Variants in OPCML observed in about 807,000 individuals in gnomAD.
The protein encoded by OPCML is opioid binding protein/cell adhesion molecule like.
OPCML carries 13 observed loss-of-function variants against 37.8 expected under a neutral mutation model. That is an observed-to-expected ratio of 0.34 (90% confidence interval 0.22 to 0.55). The LOEUF (loss-of-function observed/expected upper bound fraction) is 0.55, where lower values mean the gene tolerates loss of function less well. Ranked by LOEUF, OPCML falls within the 20% of genes least tolerant of loss-of-function variation. The pLI, the probability that OPCML is intolerant of heterozygous loss-of-function variation, is 0.91. For missense variants in OPCML, 341 were observed against 435.6 expected (o/e 0.78, Z 1.93); for synonymous variants, 176 against 168.8 (o/e 1.04, Z -0.33).
At chr11:133,191,183 A>G (rs1299000902) in intron 1 of OPCML, among the ~76,000 whole-genome samples, 1 of 152,124 alleles carries the variant, frequency 6.6e-6, no homozygotes, top group Non-Finnish European at 1.5e-5. Context: ...AATGAGAGTG[A>G]TATCTCATTA....
intron 2 of OPCML, among the ~76,000 whole-genome samples, chr11:132,870,867 T>A (rs189293716): frequency 2.8e-4 from 42 of 151,864 alleles, no homozygotes; most frequent in Admixed American, 8.5e-4. Context: ...AAGTAGGGAG[T>A]AAAATGGTGG....
At chr11:133,377,612 G>GGAAAAAAAAAAAA (rs1555148303) in intron 1 of OPCML, among the ~76,000 whole-genome samples, 4 of 79,092 alleles carry the variant, frequency 5.1e-5, no homozygotes, top group Non-Finnish European at 9.2e-5. Context: ...CCAGTATTCA[G>GGAAAAAAAAAAAA]AAAAAAAAAA....
chr11:132,647,151 A>C (rs1194962396), intron 3 of OPCML, among the ~76,000 whole-genome samples: 2 of 152,212 alleles, frequency 1.3e-5, no homozygotes, highest in African/African-American at 4.8e-5. Context: ...TGAGTGGAGA[A>C]TTGAAAGGAA....
intron 1 of OPCML, among the ~76,000 whole-genome samples, chr11:133,037,066 T>C: frequency 6.6e-6 from 1 of 151,946 alleles, no homozygotes; most frequent in East Asian, 1.9e-4. Flanking sequence ...ATGGTCCCAA[T>C]CGAAAACATA....
At chr11:133,329,271 T>C (rs1288730572) in intron 1 of OPCML, among the ~76,000 whole-genome samples, 2 of 152,182 alleles carry the variant, frequency 1.3e-5, no homozygotes, top group Non-Finnish European at 1.5e-5. Context: ...AGGTAATTTA[T>C]AGATTCAATG....
At chr11:132,918,928 A>T (rs1944696250) in intron 2 of OPCML, among the ~76,000 whole-genome samples, 1 of 152,212 alleles carries the variant, frequency 6.6e-6, no homozygotes, top group African/African-American at 2.4e-5. Flanking sequence ...GACTCAATTA[A>T]TTATGCTTGG....
chr11:132,718,840 C>T (rs1944581233), intron 2 of OPCML, among the ~76,000 whole-genome samples: 1 of 152,126 alleles, frequency 6.6e-6, no homozygotes, highest in Admixed American at 6.5e-5. Flanking sequence ...GACAGTGACT[C>T]CCTGGGTTGA....
At chr11:132,692,319 G>A (rs988051007) in intron 2 of OPCML, among the ~76,000 whole-genome samples, 1 of 152,120 alleles carries the variant, frequency 6.6e-6, no homozygotes, top group African/African-American at 2.4e-5. Context: ...TATAAAATGA[G>A]TGCTGTAATT....
chr11:132,966,622 T>C (rs772679481), intron 1 of OPCML, among the ~76,000 whole-genome samples: 2 of 152,104 alleles, frequency 1.3e-5, no homozygotes, highest in Non-Finnish European at 2.9e-5. Context: ...CTGCCTAGTT[T>C]CATATATATT....
At chr11:132,978,832 C>T (rs1202401853) in intron 1 of OPCML, among the ~76,000 whole-genome samples, 2 of 152,094 alleles carry the variant, frequency 1.3e-5, no homozygotes, top group East Asian at 1.9e-4. Flanking sequence ...CATACACACA[C>T]GTATACACAT....
chr11:132,871,249 G>A (rs1046524841), intron 2 of OPCML, among the ~76,000 whole-genome samples: 2 of 149,520 alleles, frequency 1.3e-5, no homozygotes, highest in Non-Finnish European at 3.0e-5. Flanking sequence ...CTCCCTATCT[G>A]TGGGTTCCAC....
intron 2 of OPCML, among the ~76,000 whole-genome samples, chr11:132,671,912 G>A (rs572775286): frequency 3.0e-4 from 45 of 152,288 alleles, no homozygotes; most frequent in African/African-American, 1.1e-3. Flanking sequence ...AATTTACTCT[G>A]TACTTTACAG....
rs542269715 is a variant in OPCML at position 132,572,265 on chromosome 11, T to C, written c.380-43079A>G. 5.3e-5 allele frequency among the ~76,000 whole-genome samples: 8 copies of C among 152,268 alleles called. No individual in the cohort carries two copies. The South Asian group carries it at 1.7e-3, about 32-fold the overall frequency. ...TAGATTCCTTTGCTTTGCTTTTTAG[T>C]TGGATATAGCCCCCACCTGTTGCCT... On this transcript the variant is annotated intron_variant, in intron 3 of 7. Coordinates refer to ENST00000524381, the MANE Select transcript of OPCML (RefSeq NM_001012393.5).
chr11:133,083,204 G>A (rs1002726856), intron 1 of OPCML, among the ~76,000 whole-genome samples: 5 of 152,186 alleles, frequency 3.3e-5, no homozygotes, highest in Non-Finnish European at 1.5e-5. Flanking sequence ...GGCGCCGCTC[G>A]CTTTGCTGCC....
chr11:132,481,674 G>C (rs2096181011), intron 4 of OPCML, among the ~76,000 whole-genome samples: 1 of 151,070 alleles, frequency 6.6e-6, no homozygotes, highest in African/African-American at 2.4e-5. Context: ...TGGAAGTAAA[G>C]CTCTCCTCAG....
At chr11:132,563,423 G>T (rs550326336) in intron 3 of OPCML, among the ~76,000 whole-genome samples, 3 of 152,086 alleles carry the variant, frequency 2.0e-5, no homozygotes, top group African/African-American at 7.2e-5. Flanking sequence ...CTCTGGGTTT[G>T]TTGCTGTTGA....
At chr11:132,727,257 C>G (rs1343963633) in intron 2 of OPCML, among the ~76,000 whole-genome samples, 4 of 152,158 alleles carry the variant, frequency 2.6e-5, no homozygotes, top group Non-Finnish European at 5.9e-5. Context: ...ATTGCAAACC[C>G]AGGTATTCTG....
chr11:133,486,028 T>C (rs1947519119), intron 1 of OPCML, among the ~76,000 whole-genome samples: 1 of 152,182 alleles, frequency 6.6e-6, no homozygotes, highest in Non-Finnish European at 1.5e-5. Flanking sequence ...AATATGTGTG[T>C]TAGAGGATCT....
intron 2 of OPCML, among the ~76,000 whole-genome samples, chr11:132,823,196 G>A (rs1940094341): frequency 6.6e-6 from 1 of 152,222 alleles, no homozygotes; most frequent in Non-Finnish European, 1.5e-5. Context: ...CCCTGTCCCT[G>A]TTCCATTTTT....
Sources: gnomAD v4.1 joint callset for allele counts (sites outside exome capture counted in the v4.1 genomes callset) on GRCh38, gnomAD v4.1.1 for gene constraint, MANE v1.5 for transcripts, NCBI Gene and HGNC (gene_info 2026-07-23, HGNC 2026-07-21) for gene names.